Variants in CELF4 observed in about 807,000 individuals in gnomAD.
CELF4 encodes CUGBP Elav-like family member 4, also known as CUG-BP- and ETR-3-like factor 4.
A neutral mutation model predicts 59.9 loss-of-function variants in CELF4; 18 were observed. The observed-to-expected ratio is 0.30, with a 90% confidence interval of 0.21 to 0.45. The LOEUF (loss-of-function observed/expected upper bound fraction) is 0.45. CELF4 is among the 20% of genes least tolerant of loss of function. The pLI is 1.00. For synonymous variants in CELF4, 261 were observed against 267.1 expected (o/e 0.98, Z 0.22); for missense variants, 456 against 689.0 (o/e 0.66, Z 3.79).
At chr18:37,298,835 G>A (rs911592680) in intron 3 of CELF4, among the ~76,000 whole-genome samples, 7 of 152,016 alleles carry the variant, frequency 4.6e-5, no homozygotes, top group African/African-American at 1.4e-4. Context: ...CCAGCCAAGC[G>A]GGGCCCGGTC....
At chr18:37,400,501 C>T (rs1296449816) in intron 2 of CELF4, among the ~76,000 whole-genome samples, 1 of 152,200 alleles carries the variant, frequency 6.6e-6, no homozygotes, top group Non-Finnish European at 1.5e-5. Flanking sequence ...TCAGCAAATA[C>T]TACTTAGAAA....
chr18:37,384,893 CT>C (rs2099081882), intron 2 of CELF4, among the ~76,000 whole-genome samples: 1 of 152,218 alleles, frequency 6.6e-6, no homozygotes, highest in South Asian at 2.1e-4. Context: ...ACCTGCCCTC[CT>C]CAGTGGACTC....
At chr18:37,353,362 G>A (rs1444668381) in intron 2 of CELF4, among the ~76,000 whole-genome samples, 1 of 151,814 alleles carries the variant, frequency 6.6e-6, no homozygotes, top group East Asian at 1.9e-4. Context: ...CCAGGGGTCA[G>A]CAATGGAGTG....
At chr18:37,404,510 G>A (rs1383023997) in intron 2 of CELF4, among the ~76,000 whole-genome samples, 2 of 152,216 alleles carry the variant, frequency 1.3e-5, no homozygotes, top group Non-Finnish European at 2.9e-5. Context: ...TGCCTGATGG[G>A]GCAAGTGCAC....
At chr18:37,521,663 A>C (rs1180353924) in intron 1 of CELF4, among the ~76,000 whole-genome samples, 1 of 152,226 alleles carries the variant, frequency 6.6e-6, no homozygotes, top group Admixed American at 6.5e-5. Context: ...TCTGAAGATC[A>C]GAGCGTGCCT....
At chr18:37,369,797 A>G (rs1431557845) in intron 2 of CELF4, among the ~76,000 whole-genome samples, 2 of 152,240 alleles carry the variant, frequency 1.3e-5, no homozygotes, top group Non-Finnish European at 2.9e-5. Context: ...AGGCCAGGCC[A>G]TACGCTCATC....
At chr18:37,318,789 G>C (rs1007304259) in intron 3 of CELF4, among the ~76,000 whole-genome samples, 5 of 152,118 alleles carry the variant, frequency 3.3e-5, no homozygotes, top group African/African-American at 1.2e-4. Flanking sequence ...GGGAGAGAAA[G>C]GTTTGAGTTA....
intron 2 of CELF4, among the ~76,000 whole-genome samples, chr18:37,336,402 T>C (rs921270807): frequency 3.3e-5 from 5 of 152,166 alleles, no homozygotes; most frequent in Admixed American, 6.5e-5. Flanking sequence ...CAGGCTGGTC[T>C]TGAACTCCTG....
chr18:37,412,948 A>G (rs1009794878), intron 2 of CELF4, among the ~76,000 whole-genome samples: 5 of 151,542 alleles, frequency 3.3e-5, no homozygotes, highest in Non-Finnish European at 7.4e-5. Flanking sequence ...TAGTAATGAT[A>G]CTCACTGCCT....
chr18:37,517,164 G>A (rs1032061065), intron 1 of CELF4, among the ~76,000 whole-genome samples: 21 of 152,182 alleles, frequency 1.4e-4, no homozygotes, highest in African/African-American at 4.8e-4. Context: ...CCCATGCCCT[G>A]CTTGGAAGAC....
intron 1 of CELF4, among the ~76,000 whole-genome samples, chr18:37,562,454 T>A (rs1462613588): frequency 6.6e-6 from 1 of 151,778 alleles, no homozygotes; most frequent in Non-Finnish European, 1.5e-5. Flanking sequence ...AATTTGATCC[T>A]GTATGATTCA....
intron 2 of CELF4, among the ~76,000 whole-genome samples, chr18:37,322,699 C>T (rs755770801): frequency 4.6e-5 from 7 of 152,176 alleles, no homozygotes; most frequent in African/African-American, 1.2e-4. Flanking sequence ...CTCTACAGCC[C>T]GGAGGTCTCA....
At chr18:37,421,407 T>C (rs939311208) in intron 2 of CELF4, among the ~76,000 whole-genome samples, 1 of 152,230 alleles carries the variant, frequency 6.6e-6, no homozygotes, top group Non-Finnish European at 1.5e-5. Context: ...GTTTTATCAC[T>C]AACACCCTGG....
chr18:37,451,422 TGTC>T (rs1441300124), intron 2 of CELF4, among the ~76,000 whole-genome samples: 31 of 152,308 alleles, frequency 2.0e-4, no homozygotes, highest in African/African-American at 7.2e-4. Flanking sequence ...TGTATGCATG[TGTC>T]TTTTGTGTGT....
intron 1 of CELF4, among the ~76,000 whole-genome samples, chr18:37,501,561 T>G (rs2099931894): frequency 6.6e-6 from 1 of 152,192 alleles, no homozygotes; most frequent in African/African-American, 2.4e-5. Flanking sequence ...GGGATGGGCC[T>G]GGGACAGAGG....
At chr18:37,491,571 T>C (rs1400767800) in intron 1 of CELF4, among the ~76,000 whole-genome samples, 1 of 151,532 alleles carries the variant, frequency 6.6e-6, no homozygotes, top group Non-Finnish European at 1.5e-5. Flanking sequence ...CAAGAGGGAC[T>C]ATGGGGGTGG....
At chr18:37,563,872 T>C (rs529477072) in intron 1 of CELF4, among the ~76,000 whole-genome samples, 6 of 152,282 alleles carry the variant, frequency 3.9e-5, no homozygotes, top group Non-Finnish European at 7.3e-5. Context: ...ACTCCAACTA[T>C]GAAGAGTTTG....
Position 37,518,216 on chromosome 18 carries a change from G to C in CELF4, c.287-32609C>G, listed in dbSNP as rs150153359. Among the ~76,000 whole-genome samples the C allele has an allele frequency of 6.0e-4, 91 of 152,290 alleles. 2 individuals carry two copies. The East Asian group carries it at 0.017, about 29-fold the overall frequency. The stretch of plus-strand genomic sequence containing the variant: ...GCTTCTCACTGCTGGCTGGCAGGCA[G>C]GCTGGTGGGCGGGCAAGCGTAATAT... On this transcript the variant is annotated intron_variant, in intron 1 of 12. Transcript: ENST00000420428.
At chr18:37,434,059 G>T (rs574114570) in intron 2 of CELF4, among the ~76,000 whole-genome samples, 1 of 152,232 alleles carries the variant, frequency 6.6e-6, no homozygotes, top group Non-Finnish European at 1.5e-5. Flanking sequence ...GCCAAGGGCC[G>T]GACTAACAGG....
Sources: allele counts gnomAD v4.1 joint callset (sites outside exome capture counted in the v4.1 genomes callset), GRCh38; gene constraint gnomAD v4.1.1; transcripts MANE v1.5; gene names NCBI Gene and HGNC (gene_info 2026-07-23, HGNC 2026-07-21).